Variants in SHROOM3 observed in about 807,000 individuals in gnomAD.
SHROOM3 encodes the protein protein Shroom3.
In SHROOM3, 47 loss-of-function variants were observed where a neutral mutation model predicts 138.6. The observed-to-expected ratio is 0.34, with a 90% CI of 0.27 to 0.43. SHROOM3 has a LOEUF of 0.43. SHROOM3 is among the 20% of genes least tolerant of loss of function. The pLI is 1.00. For missense variants in SHROOM3, 2,491 were observed against 2,596.5 expected, an observed-to-expected ratio of 0.96 and a Z score of 0.88; for synonymous variants, 1,062 against 1,063.3, an observed-to-expected ratio of 1.00 and a Z score of 0.02.
chr4:76,487,655 G>C (rs1333599508), intron 1 of SHROOM3, among the ~76,000 whole-genome samples: 1 of 149,920 alleles, frequency 6.7e-6, no homozygotes, highest in Non-Finnish European at 1.5e-5. Context: ...AAATTGAAAT[G>C]TACTACTGGG....
chr4:76,444,282 A>G (rs1730758591), intron 1 of SHROOM3, among the ~76,000 whole-genome samples: 1 of 150,446 alleles, frequency 6.6e-6, no homozygotes, highest in African/African-American at 2.4e-5. Flanking sequence ...TCTATGTTAT[A>G]TATATGTATA....
intron 2 of SHROOM3, among the ~76,000 whole-genome samples, chr4:76,638,622 C>G (rs982203963): frequency 1.3e-5 from 2 of 152,142 alleles, no homozygotes; most frequent in African/African-American, 2.4e-5. Flanking sequence ...TTCTGGCATA[C>G]AAAGCTAGCA....
chr4:76,760,975 A>G (rs994702676), intron 9 of SHROOM3, among the ~76,000 whole-genome samples: 1 of 152,142 alleles, frequency 6.6e-6, no homozygotes, highest in African/African-American at 2.4e-5. Context: ...CCTGCTTTAC[A>G]GTTGCAGTGT....
intron 1 of SHROOM3, among the ~76,000 whole-genome samples, chr4:76,511,008 C>G (rs1276222085): frequency 5.3e-5 from 8 of 152,014 alleles, no homozygotes; most frequent in South Asian, 2.1e-4. Context: ...TGGTGAAACC[C>G]CGCCTGTACT....
intron 4 of SHROOM3, among the ~76,000 whole-genome samples, chr4:76,735,858 AAAAAAAAAAAATATATATATATAT>A (rs1409984186): frequency 0.015 from 797 of 52,738 alleles, 14 homozygotes; most frequent in African/African-American, 0.065. Context: ...AAAAAAAAAA[AAAAAAAAAAAATATATATATATAT>A]ATATATATAT....
intron 6 of SHROOM3, among the ~76,000 whole-genome samples, chr4:76,750,379 G>A (rs1260298456): frequency 6.6e-6 from 1 of 152,170 alleles, no homozygotes; most frequent in Non-Finnish European, 1.5e-5. Flanking sequence ...GGATGGAGCT[G>A]AAGGCCATTA....
At chr4:76,543,875 CTG>C (rs1257686591) in intron 1 of SHROOM3, among the ~76,000 whole-genome samples, 1 of 152,234 alleles carries the variant, frequency 6.6e-6, no homozygotes, top group East Asian at 1.9e-4. Context: ...ATGACCAGCA[CTG>C]TGTTTGTTAG....
intron 1 of SHROOM3, among the ~76,000 whole-genome samples, chr4:76,480,495 T>C (rs922161662): frequency 1.3e-5 from 2 of 150,468 alleles, no homozygotes; most frequent in Non-Finnish European, 3.0e-5. Context: ...AAGCAAGTTC[T>C]TAGAGACCTA....
intron 1 of SHROOM3, among the ~76,000 whole-genome samples, chr4:76,437,316 CA>C (rs1487544107): frequency 1.3e-5 from 2 of 152,116 alleles, no homozygotes; most frequent in African/African-American, 4.8e-5. Flanking sequence ...GAAAAAAATT[CA>C]AAACCGAGTT....
At chr4:76,467,655 A>C (rs1731275619) in intron 1 of SHROOM3, among the ~76,000 whole-genome samples, 1 of 152,180 alleles carries the variant, frequency 6.6e-6, no homozygotes, top group African/African-American at 2.4e-5. Context: ...CTTACAAGTG[A>C]AGTCACTGCA....
intron 2 of SHROOM3, among the ~76,000 whole-genome samples, chr4:76,685,529 C>T (rs1719312048): frequency 6.6e-6 from 1 of 152,188 alleles, no homozygotes; most frequent in South Asian, 2.1e-4. Context: ...TATTGTATGA[C>T]TGTGACAAGA....
At chr4:76,609,160 C>T (rs535733355) in intron 2 of SHROOM3, among the ~76,000 whole-genome samples, 2 of 152,260 alleles carry the variant, frequency 1.3e-5, no homozygotes, top group Admixed American at 1.3e-4. Context: ...TTATAATTTC[C>T]TGATAACTGA....
intron 3 of SHROOM3, among the ~76,000 whole-genome samples, chr4:76,726,268 T>C (rs1720701755): frequency 6.6e-6 from 1 of 152,158 alleles, no homozygotes; most frequent in South Asian, 2.1e-4. Flanking sequence ...TTGGGCTTTT[T>C]CCCAGGCTCC....
At chr4:76,673,580 G>T (rs983560353) in intron 2 of SHROOM3, among the ~76,000 whole-genome samples, 2 of 152,104 alleles carry the variant, frequency 1.3e-5, no homozygotes, top group Admixed American at 6.5e-5. Context: ...TTAAATAGCA[G>T]CCAAATTGAG....
chr4:76,776,170 G>C (rs1722562526), intron 10 of SHROOM3, among the ~76,000 whole-genome samples: 1 of 152,146 alleles, frequency 6.6e-6, no homozygotes, highest in Non-Finnish European at 1.5e-5. Flanking sequence ...TCTTGCAGGA[G>C]TAAGGTGGTA....
intron 2 of SHROOM3, among the ~76,000 whole-genome samples, chr4:76,591,339 T>A (rs529243804): frequency 6.6e-6 from 1 of 152,332 alleles, no homozygotes; most frequent in East Asian, 1.9e-4. Context: ...TGAATCTGAA[T>A]GGCGTCTATA....
chr4:76,632,746 G>A lies in SHROOM3; in HGVS notation c.323+76983G>A, dbSNP rs781422990. 4.8e-4 allele frequency among the ~76,000 whole-genome samples: 73 copies of A among 152,262 alleles called. 1 individual carries two copies. Among genetic ancestry groups the A allele is most frequent in the Non-Finnish European group, 9.0e-4 (61 of 68,024 alleles). On this transcript the variant is annotated intron_variant, in intron 2 of 10. Transcript: ENST00000296043. ...CCCAATTATTAGGCTTTAAAAAGGC[G>A]AATTAAAACTAATACATATTCCTAG...
intron 1 of SHROOM3, among the ~76,000 whole-genome samples, chr4:76,438,392 C>CT (rs1279574305): frequency 6.6e-6 from 1 of 152,220 alleles, no homozygotes; most frequent in Non-Finnish European, 1.5e-5. Flanking sequence ...CCAATGTGCT[C>CT]TGTCCAATAT....
chr4:76,443,527 C>T (rs1730740955), intron 1 of SHROOM3, among the ~76,000 whole-genome samples: 1 of 152,214 alleles, frequency 6.6e-6, no homozygotes, highest in South Asian at 2.1e-4. Flanking sequence ...AAACAGTGAA[C>T]ATCTTATCCA....
Sources: gnomAD v4.1 joint callset for allele counts (sites outside exome capture counted in the v4.1 genomes callset) on GRCh38, gnomAD v4.1.1 for gene constraint, MANE v1.5 for transcripts, NCBI Gene and HGNC (gene_info 2026-07-23, HGNC 2026-07-21) for gene names.